TRAF3: variants seen among roughly 807,000 people sequenced by gnomAD.
TRAF3 encodes the protein TNF receptor associated factor 3.
TRAF3 carries 13 observed loss-of-function variants against 62.3 expected under a neutral mutation model. The observed-to-expected ratio is 0.21, with a 90% CI of 0.14 to 0.33. The LOEUF is 0.33. Among genes scored for constraint, TRAF3 ranks in the 10% least tolerant of loss-of-function variants. The pLI, the probability that TRAF3 is intolerant of heterozygous loss-of-function variation, is 1.00. For synonymous variants in TRAF3, 269 were observed against 283.4 expected (o/e 0.95, Z 0.51); for missense variants, 440 against 741.8 (o/e 0.59, Z 4.73).
At chr14:102,799,322 G>A (rs1306609304) in intron 1 of TRAF3, among the ~76,000 whole-genome samples, 3 of 152,138 alleles carry the variant, frequency 2.0e-5, no homozygotes, top group African/African-American at 7.2e-5. Flanking sequence ...TTCCATCTTA[G>A]CATCTCGTGA....
chr14:102,797,400 A>G (rs1898150789), intron 1 of TRAF3, among the ~76,000 whole-genome samples: 1 of 152,160 alleles, frequency 6.6e-6, no homozygotes, highest in Admixed American at 6.5e-5. Flanking sequence ...ACTAATGTAA[A>G]TGTTTCTGGA....
intron 7 of TRAF3, 95 bp from the exon 8 acceptor site, chr14:102,889,465 T>A: frequency 7.9e-7 from 1 of 1,268,452 alleles, no homozygotes; most frequent in Non-Finnish European, 1.2e-6. Context: ...ACACCATTCT[T>A]AATAGTACAG....
chr14:102,909,905 A>G lies in TRAF3; in HGVS notation c.*4121A>G, dbSNP rs1890774958. 6.6e-6 allele frequency: 1 copy of G among 152,214 alleles called. No homozygotes were observed. The highest frequency in any genetic ancestry group is 2.4e-5 in the African/African-American group (1 of 41,454). 9.4% of individuals were successfully genotyped at this position (152,214 alleles called of 1,614,324 possible). On this transcript the variant is annotated 3_prime_UTR_variant, in exon 12 of 12. Transcript: ENST00000392745. ...GACCCACATCCTACAGCCAGAGGTG[A>G]TGTTGGACAAAGGAAGGGGAGTCTG...
At chr14:102,832,238 CTT>C (rs772753148) in intron 2 of TRAF3, among the ~76,000 whole-genome samples, 19 of 152,100 alleles carry the variant, frequency 1.2e-4, no homozygotes, top group African/African-American at 4.1e-4. Flanking sequence ...GGTGAGAACA[CTT>C]TACATTTTTT....
intron 4 of TRAF3, among the ~76,000 whole-genome samples, chr14:102,873,184 G>A (rs957918491): frequency 2.6e-5 from 4 of 152,224 alleles, no homozygotes; most frequent in South Asian, 2.1e-4. Context: ...AGTGATTTGA[G>A]GATTGCTGGT....
Position 102,903,266 on chromosome 14 carries a change from C to G in TRAF3, c.972C>G (p.Asp324Glu). The change falls in exon 11 of 12, where the codon GAC becomes GAG. Residue 324 changes from aspartate (D) to glutamate (E), a missense_variant. Physicochemically the swap from Asp to Glu is conservative, Grantham distance 45. This residue lies in a region of TRAF3 where 255 missense variants were observed against 424.1 expected (regional missense o/e 0.60). Transcript: ENST00000392745. The surrounding 1 kb of genome is among the most constrained non-coding windows in gnomAD (Gnocchi z 6.4). ...CTTTGGTTTGGAAGCGAGTGATAGA[C>G]AGCCAAGCAGAGAAACTGAAGGAGC... ...SKILHLQRVIDSQAEKLKELD... is the reference protein window; with the variant it reads ...SKILHLQRVIESQAEKLKELD... 1 of 1,614,198 alleles carries G rather than the reference C, an allele frequency of 6.2e-7. No homozygotes were observed. Among genetic ancestry groups the G allele is most frequent in the Non-Finnish European group, 8.5e-7 (1 of 1,180,036 alleles).
chr14:102,800,740 A>G (rs1360234820), intron 1 of TRAF3, among the ~76,000 whole-genome samples: 1 of 126,314 alleles, frequency 7.9e-6, no homozygotes, highest in Non-Finnish European at 1.6e-5. Flanking sequence ...TCTGTTGCCC[A>G]GGCTAGAATC....
chr14:102,864,316 T>C (rs896973949), intron 2 of TRAF3, among the ~76,000 whole-genome samples: 8 of 151,726 alleles, frequency 5.3e-5, no homozygotes, highest in Non-Finnish European at 8.8e-5. Context: ...GCCCGGCTAA[T>C]TTTTTGTATT....
intron 1 of TRAF3, among the ~76,000 whole-genome samples, chr14:102,811,367 C>T (rs1314814680): frequency 6.7e-6 from 1 of 149,602 alleles, no homozygotes; most frequent in Non-Finnish European, 1.5e-5. Flanking sequence ...TGGCTATTCA[C>T]AGGTGCTGTC....
intron 1 of TRAF3, among the ~76,000 whole-genome samples, chr14:102,787,235 T>G (rs1218920160): frequency 6.6e-6 from 1 of 152,052 alleles, no homozygotes; most frequent in Non-Finnish European, 1.5e-5. Flanking sequence ...AAGGGTAAAA[T>G]GTCTAGAAAC....
intron 1 of TRAF3, among the ~76,000 whole-genome samples, chr14:102,779,125 C>T (rs1897163784): frequency 1.3e-5 from 2 of 152,162 alleles, no homozygotes. Context: ...CCTGACAGAC[C>T]TTGGATTCCA....
intron 1 of TRAF3, among the ~76,000 whole-genome samples, chr14:102,781,941 G>C (rs1897290317): frequency 6.6e-6 from 1 of 151,776 alleles, no homozygotes; most frequent in African/African-American, 2.4e-5. Context: ...CCACAGGTGT[G>C]TGCCAACATA....
intron 2 of TRAF3, among the ~76,000 whole-genome samples, chr14:102,840,410 T>A (rs911672245): frequency 2.6e-5 from 4 of 151,982 alleles, no homozygotes; most frequent in Admixed American, 2.6e-4. Context: ...TTTTATTTTT[T>A]TTTGTAGAGT....
Position 102,898,556 on chromosome 14 carries a change from T to C in TRAF3, c.960+1155T>C, listed in dbSNP as rs1890118151. On this transcript the variant is annotated intron_variant, in intron 10 of 11. Coordinates refer to ENST00000392745, the MANE Select transcript of TRAF3 (RefSeq NM_145725.3). ...AAGCAGCTCTGGCTGTTCATGAGAT[T>C]ATTGCTGTGTTTTGACCTGGGGCTC... Among the ~76,000 whole-genome samples the C allele has an allele frequency of 2.0e-5, 3 of 152,262 alleles. No homozygotes were observed. In the South Asian group the frequency reaches 6.2e-4, roughly 32 times the overall value.
At chr14:102,788,340 A>C (rs1897609360) in intron 1 of TRAF3, among the ~76,000 whole-genome samples, 2 of 152,188 alleles carry the variant, frequency 1.3e-5, no homozygotes, top group Admixed American at 1.3e-4. Flanking sequence ...GTGTATTCAC[A>C]ATGTTCTGCA....
At chr14:102,856,043 G>A (rs926632875) in intron 2 of TRAF3, among the ~76,000 whole-genome samples, 4 of 137,764 alleles carry the variant, frequency 2.9e-5, no homozygotes, top group South Asian at 2.2e-4. Context: ...AGCAAGTCAC[G>A]TTCACACCAC....
At chr14:102,778,829 G>C (rs1231542805) in intron 1 of TRAF3, among the ~76,000 whole-genome samples, 2 of 152,140 alleles carry the variant, frequency 1.3e-5, no homozygotes, top group South Asian at 2.1e-4. Context: ...TGGCCAAGTG[G>C]ACCATCAGTT....
intron 2 of TRAF3, among the ~76,000 whole-genome samples, chr14:102,846,629 C>T (rs1305373443): frequency 8.0e-6 from 1 of 124,594 alleles, no homozygotes; most frequent in African/African-American, 3.4e-5. Context: ...ACAGGGAGAT[C>T]CAGCTTCTTA....
intron 1 of TRAF3, among the ~76,000 whole-genome samples, chr14:102,780,755 T>C (rs1239254403): frequency 6.6e-6 from 1 of 152,168 alleles, no homozygotes; most frequent in African/African-American, 2.4e-5. Context: ...TGAGTTCTCA[T>C]AATGTTCTGG....
Sources: gnomAD v4.1 joint callset for allele counts (sites outside exome capture counted in the v4.1 genomes callset) on GRCh38, gnomAD v4.1.1 for gene constraint, gnomAD v4.1.1 regional missense constraint, Gnocchi (gnomAD v3.1) non-coding constraint, MANE v1.5 for transcripts, NCBI Gene and HGNC (gene_info 2026-07-23, HGNC 2026-07-21) for gene names.